PTPRD: variants seen among roughly 807,000 people sequenced by gnomAD.
PTPRD encodes receptor-type tyrosine-protein phosphatase delta.
PTPRD carries 34 observed loss-of-function variants against 214.5 expected under a neutral mutation model. The ratio of observed to expected loss-of-function variants is 0.16; its 90% CI spans 0.12 to 0.21. The LOEUF (loss-of-function observed/expected upper bound fraction) is 0.21. Ranked by LOEUF, PTPRD falls within the 10% of genes least tolerant of loss-of-function variation. The pLI is 1.00. For missense variants in PTPRD, 2,545 were observed against 2,398.7 expected, an observed-to-expected ratio of 1.06 and a Z score of -1.27; for synonymous variants, 1,128 against 845.7, an observed-to-expected ratio of 1.33 and a Z score of -5.79.
At chr9:10,416,509 G>C (rs1393674105) in intron 2 of PTPRD, among the ~76,000 whole-genome samples, 1 of 151,824 alleles carries the variant, frequency 6.6e-6, no homozygotes, top group Non-Finnish European at 1.5e-5. Flanking sequence ...AAAAAGTAGA[G>C]ATTTCACTGG....
chr9:9,113,517 C>A (rs2099809046), intron 10 of PTPRD, among the ~76,000 whole-genome samples: 1 of 152,038 alleles, frequency 6.6e-6, no homozygotes, highest in African/African-American at 2.4e-5. Context: ...CTGATTCAAT[C>A]ATTTCTATGG....
At chr9:10,452,727 G>C (rs1426546634) in intron 2 of PTPRD, among the ~76,000 whole-genome samples, 1 of 151,648 alleles carries the variant, frequency 6.6e-6, no homozygotes, top group African/African-American at 2.4e-5. Flanking sequence ...TTTGGATTTT[G>C]CCTCATGTCA....
chr9:9,584,701 C>T (rs151155396), intron 7 of PTPRD, among the ~76,000 whole-genome samples: 231 of 152,010 alleles, frequency 1.5e-3, no homozygotes, highest in Non-Finnish European at 3.0e-3. Flanking sequence ...TTGCTTTCAT[C>T]CCCCCTTTTC....
intron 2 of PTPRD, among the ~76,000 whole-genome samples, chr9:10,556,727 G>C (rs2062690671): frequency 6.6e-6 from 1 of 151,980 alleles, no homozygotes; most frequent in South Asian, 2.1e-4. Context: ...TTTAACAACA[G>C]GTGTGGGCAG....
At chr9:10,542,010 A>T (rs2059225982) in intron 2 of PTPRD, among the ~76,000 whole-genome samples, 1 of 152,176 alleles carries the variant, frequency 6.6e-6, no homozygotes, top group Non-Finnish European at 1.5e-5. Flanking sequence ...ATTTATAAAC[A>T]TAGTAATTAA....
intron 9 of PTPRD, among the ~76,000 whole-genome samples, chr9:9,236,374 T>C (rs1172445793): frequency 6.6e-6 from 1 of 152,048 alleles, no homozygotes; most frequent in Non-Finnish European, 1.5e-5. Flanking sequence ...CAAAGGAGTA[T>C]AAAAGCTAGC....
intron 14 of PTPRD, among the ~76,000 whole-genome samples, chr9:8,548,820 G>A (rs1043451769): frequency 6.0e-5 from 9 of 150,094 alleles, no homozygotes; most frequent in Non-Finnish European, 1.2e-4. Context: ...TCAGCCTCCC[G>A]AGTAGCTGGG....
chr9:10,026,585 G>A (rs913059912), intron 4 of PTPRD, among the ~76,000 whole-genome samples: 9 of 152,118 alleles, frequency 5.9e-5, no homozygotes, highest in Non-Finnish European at 2.9e-5. Flanking sequence ...ATCCTTTGGA[G>A]CAGTCACAGT....
intron 7 of PTPRD, among the ~76,000 whole-genome samples, chr9:9,624,916 T>C (rs528899920): frequency 2.0e-5 from 3 of 152,202 alleles, no homozygotes; most frequent in South Asian, 2.1e-4. Context: ...GGGTTACTTA[T>C]TAAGTGTGCT....
At chr9:9,208,897 TC>T (rs1373226912) in intron 9 of PTPRD, among the ~76,000 whole-genome samples, 1 of 151,928 alleles carries the variant, frequency 6.6e-6, no homozygotes, top group Non-Finnish European at 1.5e-5. Context: ...AAGCTCCACT[TC>T]CCGGGTTCAC....
At chr9:10,414,004 G>C (rs2098462820) in intron 2 of PTPRD, among the ~76,000 whole-genome samples, 1 of 151,774 alleles carries the variant, frequency 6.6e-6, no homozygotes, top group African/African-American at 2.4e-5. Context: ...TAAAAACCTT[G>C]GAAGACAACC....
chr9:9,030,753 T>C (rs1569471692), intron 10 of PTPRD, among the ~76,000 whole-genome samples: 1 of 151,984 alleles, frequency 6.6e-6, no homozygotes, highest in Non-Finnish European at 1.5e-5. Flanking sequence ...CCTTTATTAA[T>C]TCAACAAGGT....
At chr9:10,499,466 A>C (rs1376114331) in intron 2 of PTPRD, among the ~76,000 whole-genome samples, 1 of 151,942 alleles carries the variant, frequency 6.6e-6, no homozygotes, top group Admixed American at 6.6e-5. Flanking sequence ...CATACCGGAC[A>C]GTTCATGTTT....
In PTPRD at chr9:9,707,414, T is replaced by C. The variant is rs80025997; in HGVS notation, c.-287+27119A>G. On this transcript the variant is annotated intron_variant, in intron 7 of 45. Transcript: ENST00000381196. ...AGATATATTTCATTTGTAATCCCTC[T>C]CTAATAGAACTTATAACAAAGTAGA... Among the ~76,000 whole-genome samples, 1,084 of 152,268 alleles carry C rather than the reference T, an allele frequency of 7.1e-3. 12 individuals carry two copies. The highest frequency in any genetic ancestry group is 0.025 in the African/African-American group (1,038 of 41,574).
At chr9:10,433,059 T>C (rs2098693776) in intron 2 of PTPRD, among the ~76,000 whole-genome samples, 1 of 151,864 alleles carries the variant, frequency 6.6e-6, no homozygotes, top group South Asian at 2.1e-4. Flanking sequence ...TGGTATTAAG[T>C]ATTATTACAA....
intron 3 of PTPRD, among the ~76,000 whole-genome samples, chr9:10,208,936 A>G (rs2099500557): frequency 6.6e-6 from 1 of 152,206 alleles, no homozygotes; most frequent in Admixed American, 6.5e-5. Context: ...AGACACCTTA[A>G]GGAGTAGAAA....
chr9:9,890,954 A>G (rs2073096596), intron 5 of PTPRD, among the ~76,000 whole-genome samples: 1 of 152,158 alleles, frequency 6.6e-6, no homozygotes, highest in Admixed American at 6.5e-5. Context: ...AGTTCACCAT[A>G]TCTACATCGC....
chr9:10,517,475 T>G (rs568902901), intron 2 of PTPRD, among the ~76,000 whole-genome samples: 3 of 152,086 alleles, frequency 2.0e-5, no homozygotes, highest in Non-Finnish European at 4.4e-5. Flanking sequence ...TTGTGGACTC[T>G]AGGGTTTTCT....
Position 10,008,560 on chromosome 9 carries a change from T to C in PTPRD, c.-472+25158A>G, listed in dbSNP as rs377374573. ...GCATATGTGTGCCCCATTTCATGCA[T>C]ATTCACAGCTCCTCCCATATCCTGT... is the stretch of plus-strand genomic sequence containing the variant. On this transcript the variant is annotated intron_variant, in intron 4 of 45. Coordinates refer to ENST00000381196, the MANE Select transcript of PTPRD (RefSeq NM_002839.4). Among the ~76,000 whole-genome samples, 490 of 148,780 alleles carry C rather than the reference T, an allele frequency of 3.3e-3. 29 individuals carry two copies. In the South Asian group the frequency reaches 0.099, roughly 30 times the overall value.
Sources: gnomAD v4.1 joint callset for allele counts (sites outside exome capture counted in the v4.1 genomes callset) on GRCh38, gnomAD v4.1.1 for gene constraint, MANE v1.5 for transcripts, NCBI Gene and HGNC (gene_info 2026-07-23, HGNC 2026-07-21) for gene names.